Variants in KREMEN1 observed in about 807,000 individuals in gnomAD.
The protein encoded by KREMEN1 is kringle containing transmembrane protein 1.
Under a neutral mutation model 46.5 loss-of-function variants are expected in KREMEN1, and 30 were observed. The ratio of observed to expected loss-of-function variants is 0.65; its 90% CI spans 0.48 to 0.88. The LOEUF (loss-of-function observed/expected upper bound fraction) is 0.88, where lower values mean the gene tolerates loss of function less well. KREMEN1 is among the 40% of genes least tolerant of loss of function. The probability of loss-of-function intolerance (pLI) is 0.00; values close to 1 mark genes in which losing one functional copy is unlikely to be tolerated. For synonymous variants in KREMEN1, 214 were observed against 230.6 expected (o/e 0.93, Z 0.65); for missense variants, 533 against 596.9 (o/e 0.89, Z 1.11).
In KREMEN1 at chr22:29,146,326, T is replaced by C; in HGVS notation, c.*4214T>C. ...GCTGTCTCCCCTCAGGCTGGACGGC[T>C]CCGGGGTGACAGGGCTTCACCCTCT... On this transcript the variant is annotated 3_prime_UTR_variant, in exon 9 of 9. Coordinates refer to ENST00000400335, the MANE Select transcript of KREMEN1 (RefSeq NM_001039570.3). 1.0e-6 allele frequency: 1 copy of C among 985,846 alleles called. No homozygotes were observed. The highest frequency in any genetic ancestry group is 1.2e-6 in the Non-Finnish European group (1 of 829,954). The allele number at this position is 985,846 out of a possible 1,614,324, so 61.1% of individuals were successfully genotyped here.
intron 1 of KREMEN1, among the ~76,000 whole-genome samples, chr22:29,081,519 C>T (rs563153722): frequency 6.6e-6 from 1 of 152,260 alleles, no homozygotes; most frequent in African/African-American, 2.4e-5. Context: ...AATCTGGCAA[C>T]CCTAATCGAG....
intron 3 of KREMEN1, among the ~76,000 whole-genome samples, chr22:29,105,180 T>C (rs2038036045): frequency 1.3e-5 from 2 of 152,206 alleles, no homozygotes; most frequent in South Asian, 4.1e-4. Context: ...CAGGGGCTAC[T>C]GTCTGTTGAA....
chr22:29,141,833 G>C, intron 8 of KREMEN1, 111 bp from the exon 9 acceptor site: 1 of 764,330 alleles, frequency 1.3e-6, no homozygotes, highest in Non-Finnish European at 2.0e-6. Flanking sequence ...TGGCTGTGAG[G>C]TCCTTCCCAA....
chr22:29,164,018 C>T (rs77670878), intron 9 of KREMEN1, among the ~76,000 whole-genome samples: 9,704 of 143,940 alleles, frequency 0.067, 454 homozygotes, highest in Non-Finnish European at 0.086. Context: ...AGCCTCAAAC[C>T]GCTGGGCTCA....
Position 29,073,731 on chromosome 22 carries a change from C to A in KREMEN1, c.97+504C>A, listed in dbSNP as rs1444755560. Among the ~76,000 whole-genome samples, 1 of 151,048 alleles carries A rather than the reference C, an allele frequency of 6.6e-6. No homozygotes were observed. The highest frequency in any genetic ancestry group is 1.5e-5 in the Non-Finnish European group (1 of 67,614). On this transcript the variant is annotated intron_variant, in intron 1 of 8. Coordinates refer to ENST00000400335, the MANE Select transcript of KREMEN1 (RefSeq NM_001039570.3). This position sits in a 1 kb window ranked among gnomAD's most constrained non-coding sequence, Gnocchi z 4.4. The stretch of plus-strand genomic sequence containing the variant: ...TAGGATCCCGTCCCAAAATCCCCAG[C>A]GACTCCCCACGGGCCAGGAGGCCCC...
At chr22:29,126,944 T>G (rs939241178) in intron 5 of KREMEN1, among the ~76,000 whole-genome samples, 1 of 152,238 alleles carries the variant, frequency 6.6e-6, no homozygotes, top group South Asian at 2.1e-4. Flanking sequence ...ATCTTGCTAA[T>G]GCTTAGTTGG....
intron 9 of KREMEN1, among the ~76,000 whole-genome samples, chr22:29,159,957 A>G (rs1318432651): frequency 6.6e-6 from 1 of 152,120 alleles, no homozygotes; most frequent in East Asian, 1.9e-4. Flanking sequence ...ATAGTGGAGG[A>G]CTTCAACACC....
intron 5 of KREMEN1, among the ~76,000 whole-genome samples, chr22:29,131,556 A>ATG (rs1466730126): frequency 3.9e-4 from 28 of 72,050 alleles, no homozygotes; most frequent in African/African-American, 1.7e-3. Flanking sequence ...ATATATATAT[A>ATG]TATATGTGTG....
intron 1 of KREMEN1, among the ~76,000 whole-genome samples, chr22:29,074,075 G>C (rs1191658344): frequency 1.1e-4 from 16 of 152,188 alleles, no homozygotes. Flanking sequence ...GGGAGGAGCC[G>C]GCGCTCAGCC....
intron 1 of KREMEN1, among the ~76,000 whole-genome samples, chr22:29,092,474 C>T (rs762841577): frequency 7.2e-5 from 11 of 152,172 alleles, no homozygotes; most frequent in Non-Finnish European, 1.6e-4. Context: ...CATCCAAGGT[C>T]GCACAGCTGG....
At chr22:29,167,859 A>AC (rs1945166036) in exon 10 of KREMEN1, 1 of 152,218 alleles carries the variant, frequency 6.6e-6, no homozygotes, top group South Asian at 2.1e-4. Flanking sequence ...CCTGAGCGCC[A>AC]CATCCCATGA....
intron 1 of KREMEN1, among the ~76,000 whole-genome samples, chr22:29,076,703 T>A (rs1367529012): frequency 6.6e-6 from 1 of 152,014 alleles, no homozygotes; most frequent in Admixed American, 6.6e-5. Flanking sequence ...ATACAAAAAA[T>A]TAGCCGGGCA....
intron 3 of KREMEN1, among the ~76,000 whole-genome samples, chr22:29,103,765 CTGAG>C (rs1435783728): frequency 4.7e-4 from 72 of 152,234 alleles, no homozygotes; most frequent in African/African-American, 1.6e-3. Flanking sequence ...TGAATACAGA[CTGAG>C]TATTAGATTA....
At position 29,145,788 on chromosome 22, in the gene KREMEN1, G is replaced by A; in HGVS notation, c.*3676G>A. ...AGGCTGCTCTAACTTCTGAAGAGTG[G>A]GCTCTGGCTCAAGACTCCAATCGGC... On this transcript the variant is annotated 3_prime_UTR_variant, in exon 9 of 9. Coordinates refer to ENST00000400335, the MANE Select transcript of KREMEN1 (RefSeq NM_001039570.3). The A allele has an allele frequency of 1.0e-6, 1 of 985,514 alleles. No homozygotes were observed. The highest frequency in any genetic ancestry group is 1.2e-6 in the Non-Finnish European group (1 of 829,984). 61.0% of individuals were successfully genotyped at this position (985,514 alleles called of 1,614,324 possible).
downstream of KREMEN1, among the ~76,000 whole-genome samples, chr22:29,149,093 C>T (rs1251911207): frequency 6.6e-6 from 1 of 152,150 alleles, no homozygotes; most frequent in African/African-American, 2.4e-5. Flanking sequence ...TCACCACTGT[C>T]CCCTCCCTGG....
At chr22:29,098,817 A>T in intron 2 of KREMEN1, 45 bp from the exon 3 acceptor site, 1 of 1,385,474 alleles carries the variant, frequency 7.2e-7, no homozygotes, top group Non-Finnish European at 1.0e-6. Flanking sequence ...GAACCAGTTG[A>T]ATTAAAACAT....
chr22:29,166,342 C>G (rs2039052620), intron 9 of KREMEN1, among the ~76,000 whole-genome samples: 1 of 151,990 alleles, frequency 6.6e-6, no homozygotes, highest in African/African-American at 2.4e-5. Flanking sequence ...TCGTGTGGAG[C>G]CTGTGGTCAT....
At chr22:29,117,565 TC>T (rs1374554122) in intron 3 of KREMEN1, among the ~76,000 whole-genome samples, 5 of 122,116 alleles carry the variant, frequency 4.1e-5, no homozygotes, top group Admixed American at 3.9e-4. Flanking sequence ...AGACTCCGTC[TC>T]CAAAAAAAAA....
rs1326783697 is a variant in KREMEN1 at position 29,098,869 on chromosome 22, G to C, written c.268G>C (p.Asp90His). The C allele has an allele frequency of 3.7e-6, 6 of 1,613,640 alleles. No homozygotes were observed. Among genetic ancestry groups the C allele is most frequent in the Non-Finnish European group, 4.2e-6 (5 of 1,179,654 alleles). Residue 90 changes from aspartate to histidine, a missense_variant, in exon 3 of 9, where the codon GAT becomes CAT. Transcript: ENST00000400335. ...LGEHNYCRNPDGDVSPWCYVA... is the reference protein window; with the variant it reads ...LGEHNYCRNPHGDVSPWCYVA... ...TGTCCTTTTCCCCAACAGAAATCCA[G>C]ATGGAGACGTGAGCCCCTGGTGCTA... is the stretch of plus-strand genomic sequence containing the variant.
Sources: gnomAD v4.1 joint callset for allele counts (sites outside exome capture counted in the v4.1 genomes callset) on GRCh38, gnomAD v4.1.1 for gene constraint, Gnocchi (gnomAD v3.1) non-coding constraint, MANE v1.5 for transcripts, NCBI Gene and HGNC (gene_info 2026-07-23, HGNC 2026-07-21) for gene names.